CTSF: variants seen among roughly 807,000 people sequenced by gnomAD.
CTSF encodes the protein cathepsin F.
In CTSF, 65 loss-of-function variants were observed where a neutral mutation model predicts 63.5. The observed-to-expected ratio is 1.02, with a 90% CI of 0.84 to 1.26. CTSF has a LOEUF of 1.26. CTSF is among the 50% of genes most tolerant of loss of function. The probability of loss-of-function intolerance (pLI) is 0.00; values close to 1 mark genes in which losing one functional copy is unlikely to be tolerated. For missense variants in CTSF, 641 were observed against 631.0 expected (o/e 1.02, Z -0.17); for synonymous variants, 256 against 258.1 (o/e 0.99, Z 0.08).
intron 1 of CTSF, 73 bp downstream of exon 1, chr11:66,568,201 C>T (rs1158411824): frequency 3.9e-6 from 6 of 1,528,664 alleles, no homozygotes; most frequent in Non-Finnish European, 5.3e-6. Flanking sequence ...GGGCAGGCCC[C>T]ATCCCAATGT....
intron 4 of CTSF, among the ~76,000 whole-genome samples, chr11:66,566,727 CTTT>C (rs1158663636): frequency 2.1e-5 from 3 of 143,490 alleles, no homozygotes; most frequent in African/African-American, 2.5e-5. Context: ...TGCAGAGCTT[CTTT>C]TTTTTTTTTT....
In CTSF at chr11:66,564,967, T is replaced by G; in HGVS notation, c.1085A>C (p.His362Pro). The change falls in exon 9 of 13, where the codon CAC (histidine) becomes CCC (proline). Residue 362 changes from histidine (H) to proline (P), a missense_variant. By Grantham distance (77) the His-to-Pro change is moderately conservative. Transcript: ENST00000310325. ...ETEDDYSYQG[H>P]MQSCNFSAEK... The stretch of plus-strand genomic sequence containing the variant: ...TGCTGAGAAGTTGCAGGACTGCATG[T>G]GACCCTGGTAGCTGTAGTCATCCTC... The G allele has an allele frequency of 6.3e-7, 1 of 1,591,302 alleles. No individual in the cohort carries two copies. Among genetic ancestry groups the G allele is most frequent in the Non-Finnish European group, 8.6e-7 (1 of 1,164,934 alleles).
rs1159043066 is a variant in CTSF, at chr11:66,563,929, C to T, written c.*4G>A. On this transcript the variant is annotated 3_prime_UTR_variant, in exon 13 of 13. Transcript: ENST00000310325. Reference sequence around the variant, plus strand: ...GCACCAGGTCCCGAGCTGGGGGCCCCTCTTCAGTCCACCACCGCCGAGCTG... The same window carrying T: ...GCACCAGGTCCCGAGCTGGGGGCCCTTCTTCAGTCCACCACCGCCGAGCTG... 1 of 1,612,302 alleles carries T rather than the reference C, an allele frequency of 6.2e-7. No homozygotes were observed. The highest frequency in any genetic ancestry group is 8.5e-7 in the Non-Finnish European group (1 of 1,179,986).
chr11:66,566,144 G>A lies in CTSF; in HGVS notation c.745C>T (p.Leu249=). The change falls in exon 6 of 13, where the codon CTG becomes TTG. Residue 249 remains leucine (L), a synonymous_variant. Transcript: ENST00000310325. ...LTEEEFRTIY[L]NTLLRKEPGN... The stretch of plus-strand genomic sequence containing the variant: ...GGCTCTTTCCTCAGGAGAGTATTCA[G>A]GTAGATAGTGCGGAACTCCTCCTCT... 1 of 1,614,158 alleles carries A rather than the reference G, an allele frequency of 6.2e-7. No homozygotes were observed. The highest frequency in any genetic ancestry group is 8.5e-7 in the Non-Finnish European group (1 of 1,180,026).
rs777280651 is a variant in CTSF, at chr11:66,567,262, T to G, written c.591A>C (p.Thr197=). 6.2e-7 allele frequency: 1 copy of G among 1,614,212 alleles called. No homozygotes were observed. Among genetic ancestry groups the G allele is most frequent in the Non-Finnish European group, 8.5e-7 (1 of 1,180,034 alleles). ...GGTCCTCACCTTCCTTTGACTCATATGTCCGGTTATAGGTAATGACAAAGT... is the reference window on the plus strand; with the variant it reads ...GGTCCTCACCTTCCTTTGACTCATAGGTCCGGTTATAGGTAATGACAAAGT... ...FKNFVITYNR[T]YESKEEARWR... is the part of the protein sequence containing the mutation. Residue 197 remains threonine (T), a synonymous_variant, in exon 4 of 13, where the codon ACA becomes ACC. Transcript: ENST00000310325.
chr11:66,564,945 T>C lies in CTSF; in HGVS notation c.1107A>G (p.Ser369=). The part of the protein sequence containing the change: ...YQGHMQSCNF[S]AEKAKVYIND... ...TGATGTAGACCTTGGCCTTCTCTGC[T>C]GAGAAGTTGCAGGACTGCATGTGAC... Residue 369 remains serine (S), a synonymous_variant, in exon 9 of 13, where the codon TCA becomes TCG. Transcript: ENST00000310325. 1 of 1,602,294 alleles carries C rather than the reference T, an allele frequency of 6.2e-7. No individual in the cohort carries two copies. The highest frequency in any genetic ancestry group is 1.1e-5 in the South Asian group (1 of 89,838).
At chr11:66,564,516 G>C (rs1224808087) in intron 11 of CTSF, 42 bp downstream of exon 11, 1 of 1,487,150 alleles carries the variant, frequency 6.7e-7, no homozygotes, top group Non-Finnish European at 9.1e-7. Flanking sequence ...TCCCACCCCT[G>C]CCTGTGGCCT....
chr11:66,566,489 C>T, intron 4 of CTSF, 85 bp from the exon 5 acceptor site: 1 of 1,300,598 alleles, frequency 7.7e-7, no homozygotes, highest in Non-Finnish European at 1.1e-6. Flanking sequence ...CAGGGGTTTC[C>T]CCGGGGAGCA....
At chr11:66,565,433 G>A (rs1007856630) in intron 8 of CTSF, among the ~76,000 whole-genome samples, 2 of 152,060 alleles carry the variant, frequency 1.3e-5, no homozygotes, top group African/African-American at 4.8e-5. Context: ...GTAGAGATGG[G>A]GTCTTGCTAT....
Position 66,568,393 on chromosome 11 carries a change from A to G in CTSF, c.94T>C (p.Trp32Arg). Residue 32 changes from tryptophan (W) to arginine (R), a missense_variant, in exon 1 of 13, where the codon TGG becomes CGG. Trp to Arg is a moderately radical substitution (Grantham distance 101, BLOSUM62 -3). Coordinates refer to ENST00000310325, the MANE Select transcript of CTSF (RefSeq NM_003793.4). The stretch of plus-strand genomic sequence containing the variant: ...AGCAGCTCCGGGGACGGCGGCCCCC[A>G]GGCCTGAAAGCTGGCGGCTCGGGGC... Reference protein sequence around the residue: ...AQPRAASFQAWGPPSPELLAP... With the variant: ...AQPRAASFQARGPPSPELLAP... The G allele has an allele frequency of 7.6e-7, 1 of 1,318,084 alleles. No homozygotes were observed. Among genetic ancestry groups the G allele is most frequent in the Non-Finnish European group, 9.6e-7 (1 of 1,042,184 alleles). 81.6% of individuals were successfully genotyped at this position (1,318,084 alleles called of 1,614,324 possible). A position where few individuals can be genotyped will look rare whatever the true frequency, so the allele number is the denominator to read the frequency against.
At position 66,564,836 on chromosome 11, in the gene CTSF, C is replaced by T. The variant is rs200788870; in HGVS notation, c.1166-30G>A. On this transcript the variant is annotated intron_variant, in intron 9 of 12. Coordinates refer to ENST00000310325, the MANE Select transcript of CTSF (RefSeq NM_003793.4). ...GATGGGAAGGGGTGGCATCAGTAGG[C>T]ACCCAGGCCCCGGCCCCACCTGACC... The T allele has an allele frequency of 4.3e-6, 7 of 1,613,916 alleles. No homozygotes were observed. In the Admixed American group the frequency reaches 1.2e-4, roughly 27 times the overall value.
chr11:66,566,194 G>A (rs1257648538), intron 5 of CTSF, 27 bp from the exon 6 acceptor site: 1 of 1,613,918 alleles, frequency 6.2e-7, no homozygotes, highest in Non-Finnish European at 8.5e-7. Flanking sequence ...GCAGGGCATG[G>A]GGAGGAAGAG....
At chr11:66,565,526 G>A in intron 8 of CTSF, 145 bp downstream of exon 8, 1 of 1,155,986 alleles carries the variant, frequency 8.7e-7, no homozygotes, top group Non-Finnish European at 1.3e-6. Flanking sequence ...ACAGGCATGA[G>A]CCACCACGCC....
In CTSF at chr11:66,563,577, A is replaced by C; in HGVS notation, c.*356T>G. The C allele has an allele frequency of 4.1e-6, 2 of 484,210 alleles. No homozygotes were observed. Among genetic ancestry groups the C allele is most frequent in the East Asian group, 6.7e-5 (2 of 30,004 alleles). 30.0% of individuals were successfully genotyped at this position (484,210 alleles called of 1,614,324 possible). On this transcript the variant is annotated 3_prime_UTR_variant, in exon 13 of 13. Transcript: ENST00000310325. ...GGGAACCAGAAAATTTATAGTATCA[A>C]ACAGAGGAAAGCGGGGGCAGAACAG...
rs985854450 is a variant in CTSF at position 66,564,825 on chromosome 11, G to T, written c.1166-19C>A. ...GCCAGCTCTGAGATGGGAAGGGGTGGCATCAGTAGGCACCCAGGCCCCGGC... is the reference window on the plus strand; with the variant it reads ...GCCAGCTCTGAGATGGGAAGGGGTGTCATCAGTAGGCACCCAGGCCCCGGC... On this transcript the variant is annotated intron_variant, in intron 9 of 12. Transcript: ENST00000310325. 1 of 1,613,934 alleles carries T rather than the reference G, an allele frequency of 6.2e-7. No homozygotes were observed. Among genetic ancestry groups the T allele is most frequent in the African/African-American group, 1.3e-5 (1 of 74,936 alleles).
Position 66,564,001 on chromosome 11 carries a change from A to G in CTSF, c.1387T>C (p.Tyr463His). 6.2e-7 allele frequency: 1 copy of G among 1,613,866 alleles called. No individual in the cohort carries two copies. ...GCCCCGGACCCACGATGCAAGTAGT[A>G]GTAACCCTGGGGGAGAGGGGGAGCT... ...WGTDWGEKGYYYLHRGSGACG... is the reference protein window; with the variant it reads ...WGTDWGEKGYHYLHRGSGACG... The change falls in exon 13 of 13, where the codon TAC (tyrosine) becomes CAC (histidine). Residue 463 changes from tyrosine to histidine, a missense_variant. Transcript: ENST00000310325.
intron 1 of CTSF, 73 bp downstream of exon 1, chr11:66,568,201 C>A: frequency 6.5e-7 from 1 of 1,528,782 alleles, no homozygotes; most frequent in Non-Finnish European, 8.8e-7. Context: ...GGGCAGGCCC[C>A]ATCCCAATGT....
rs1285727568 is a variant in CTSF at position 66,568,492 on chromosome 11, G to C, written c.-6C>G. ...AGCTGCAGCCAGGGCGCCATGGCGA[G>C]GGCGAAGCCGGCGGCCCGGACCCAA... On this transcript the variant is annotated 5_prime_UTR_variant, in exon 1 of 13. Coordinates refer to ENST00000310325, the MANE Select transcript of CTSF (RefSeq NM_003793.4). The C allele has an allele frequency of 8.8e-6, 13 of 1,480,068 alleles. No individual in the cohort carries two copies. The highest frequency in any genetic ancestry group is 5.9e-5 in the African/African-American group (4 of 68,234). 91.7% of individuals were successfully genotyped at this position (1,480,068 alleles called of 1,614,324 possible).
rs765562144 is a variant in CTSF at position 66,565,807 on chromosome 11, AGAG to A, written c.964+21_964+23del. ...CCTCCTGAGGGGCTAGGCTGGGGAC[AGAG>A]GAGTAGAGCGAGATGCTCACCCTGT... On this transcript the variant is annotated intron_variant, in intron 7 of 12. Transcript: ENST00000310325. The A allele has an allele frequency of 9.3e-6, 15 of 1,613,938 alleles. No individual in the cohort carries two copies. In the Admixed American group the frequency reaches 1.3e-4, roughly 14 times the overall value.
Sources: allele counts gnomAD v4.1 joint callset (sites outside exome capture counted in the v4.1 genomes callset), GRCh38; gene constraint gnomAD v4.1.1; transcripts MANE v1.5; gene names NCBI Gene and HGNC (gene_info 2026-07-23, HGNC 2026-07-21).